Variants in YJEFN3 observed in about 807,000 individuals in gnomAD.
YJEFN3 encodes the protein yjeF N-terminal domain-containing protein 3.
A neutral mutation model predicts 31.5 loss-of-function variants in YJEFN3; 29 were observed. The observed-to-expected ratio is 0.92, with a 90% CI of 0.69 to 1.26. The LOEUF (loss-of-function observed/expected upper bound fraction) is 1.26. YJEFN3 is among the 50% of genes most tolerant of loss of function. The probability of loss-of-function intolerance (pLI) is 0.00; values close to 1 mark genes in which losing one functional copy is unlikely to be tolerated. For synonymous variants in YJEFN3, 227 were observed against 196.1 expected (o/e 1.16, Z -1.32); for missense variants, 442 against 425.4 (o/e 1.04, Z -0.34).
Position 19,528,966 on chromosome 19 carries a change from G to T in YJEFN3, c.34G>T (p.Ala12Ser). 6.5e-7 allele frequency: 1 copy of T among 1,550,274 alleles called. No homozygotes were observed. Among genetic ancestry groups the T allele is most frequent in the Non-Finnish European group, 8.7e-7 (1 of 1,146,786 alleles). The part of the protein sequence containing the change: ...SSAAGPDPSE[A>S]PEERHFLRAL... ...CGCAGCCGGCCCAGACCCGTCGGAGGCGCCCGAAGAGCGGCATTTCCTCAG... is the reference window on the plus strand; with the variant it reads ...CGCAGCCGGCCCAGACCCGTCGGAGTCGCCCGAAGAGCGGCATTTCCTCAG... The change falls in exon 1 of 7, where the codon GCG (alanine) becomes TCG (serine). Residue 12 changes from alanine (A) to serine (S), a missense_variant. By Grantham distance (99) the Ala-to-Ser change is moderately conservative. Transcript: ENST00000514277.
At position 19,534,786 on chromosome 19, in the gene YJEFN3, C is replaced by T; in HGVS notation, c.319-248C>T. The T allele has an allele frequency of 2.6e-6, 1 of 383,034 alleles. No homozygotes were observed. Among genetic ancestry groups the T allele is most frequent in the Non-Finnish European group, 4.7e-6 (1 of 214,862 alleles). 23.7% of individuals were successfully genotyped at this position (383,034 alleles called of 1,614,324 possible). On this transcript the variant is annotated intron_variant, in intron 3 of 6. Transcript: ENST00000514277. The surrounding 1 kb of genome is among the most constrained non-coding windows in gnomAD (Gnocchi z 4.6). ...AACAAACCGCACTCCGGGCGACGGG[C>T]AGTGGCTGGATGCACGTTTTTCCTG...
intron 3 of YJEFN3, chr19:19,533,216 A>G: frequency 1.0e-6 from 1 of 991,146 alleles, no homozygotes; most frequent in Non-Finnish European, 1.2e-6. Context: ...CCACACCTCG[A>G]GGGGCCAGGA....
At chr19:19,537,033 C>A (rs1036048068) in intron 6 of YJEFN3, among the ~76,000 whole-genome samples, 1 of 152,132 alleles carries the variant, frequency 6.6e-6, no homozygotes, top group African/African-American at 2.4e-5. Context: ...AGTGCAGAAG[C>A]TCTGGTCTGA....
chr19:19,537,498 G>A lies in YJEFN3; in HGVS notation c.874G>A (p.Gly292Ser). The A allele has an allele frequency of 6.4e-7, 1 of 1,569,646 alleles. No individual in the cohort carries two copies. The highest frequency in any genetic ancestry group is 8.6e-7 in the Non-Finnish European group (1 of 1,159,974). Residue 292 changes from glycine to serine, a missense_variant, in exon 7 of 7, where the codon GGC becomes AGC. Transcript: ENST00000514277. ...KFALRLPGYTGTDCVAAL is the reference protein window; with the variant it reads ...KFALRLPGYTSTDCVAAL ...CGCTCTGCGCCTGCCGGGATACACG[G>A]GCACCGACTGCGTCGCGGCACTGTG...
In YJEFN3 at chr19:19,537,341, C is replaced by CGAGAGACGCAGA. The variant is rs762364399; in HGVS notation, c.719_720insGAGACGCAGAGA (p.Ser239_Asp240insGluArgArgArg). The CGAGAGACGCAGA allele has an allele frequency of 1.3e-6, 2 of 1,594,924 alleles. No homozygotes were observed. Among genetic ancestry groups the CGAGAGACGCAGA allele is most frequent in the Non-Finnish European group, 1.7e-6 (2 of 1,176,710 alleles). On this transcript the variant is annotated inframe_insertion, in exon 7 of 7. Coordinates refer to ENST00000514277, the MANE Select transcript of YJEFN3 (RefSeq NM_198537.4). ...CAGGCTGGGACGCAGAGACCGGCAG[C>CGAGAGACGCAGA]GATTCGGAGGACGGGCTGCGGCCTG...
chr19:19,529,570 C>G, intron 2 of YJEFN3, 57 bp downstream of exon 2: 1 of 1,580,152 alleles, frequency 6.3e-7, no homozygotes, highest in South Asian at 1.2e-5. Flanking sequence ...ACCTCATCCT[C>G]CTCAGCCTTT....
At position 19,534,670 on chromosome 19, in the gene YJEFN3, C is replaced by G. The variant is rs982705090; in HGVS notation, c.319-364C>G. The G allele has an allele frequency of 1.1e-5, 2 of 177,930 alleles. No individual in the cohort carries two copies. Among genetic ancestry groups the G allele is most frequent in the Non-Finnish European group, 2.4e-5 (2 of 85,092 alleles). The allele number at this position is 177,930 out of a possible 1,614,324, so 11.0% of individuals were successfully genotyped here. ...AAGGTTGGGCTCCCCTACTCCACAGCCTCCAGGAGGGGCTGAGGTCTGGAA... is the reference window on the plus strand; with the variant it reads ...AAGGTTGGGCTCCCCTACTCCACAGGCTCCAGGAGGGGCTGAGGTCTGGAA... On this transcript the variant is annotated intron_variant, in intron 3 of 6. Coordinates refer to ENST00000514277, the MANE Select transcript of YJEFN3 (RefSeq NM_198537.4). The surrounding 1 kb of genome is among the most constrained non-coding windows in gnomAD (Gnocchi z 4.6).
chr19:19,530,154 G>A (rs779007232), intron 2 of YJEFN3, among the ~76,000 whole-genome samples: 13 of 152,274 alleles, frequency 8.5e-5, no homozygotes, highest in South Asian at 2.1e-4. Context: ...CCTCCTGGAA[G>A]CATTTGGCGA....
intron 1 of YJEFN3, 166 bp downstream of exon 1, chr19:19,529,157 G>A: frequency 6.9e-7 from 1 of 1,457,686 alleles, no homozygotes; most frequent in East Asian, 2.5e-5. Context: ...CCACGGTGGG[G>A]AACCGGAGGC....
intron 6 of YJEFN3, chr19:19,536,077 TC>T (rs2061206608): frequency 2.0e-6 from 1 of 488,466 alleles, no homozygotes. Context: ...GTGGCTGGAC[TC>T]CGGGGGATGT....
At position 19,535,582 on chromosome 19, in the gene YJEFN3, C is replaced by CTGGCGCCCT; in HGVS notation, c.597_598insTGGCGCCCT (p.Pro199_Gly200insTrpArgPro). Reference sequence around the variant, plus strand: ...TGGTGGTGGATGCCGTACTGGGCCCCGGCGTGGAGCCGGGCGAGGTCGGGG... The same window carrying CTGGCGCCCT: ...TGGTGGTGGATGCCGTACTGGGCCCCTGGCGCCCTGGCGTGGAGCCGGGCGAGGTCGGGG... On this transcript the variant is annotated inframe_insertion, in exon 6 of 7. Transcript: ENST00000514277. The CTGGCGCCCT allele has an allele frequency of 6.3e-7, 1 of 1,581,092 alleles. No homozygotes were observed. The highest frequency in any genetic ancestry group is 1.2e-5 in the South Asian group (1 of 86,802).
At position 19,534,815 on chromosome 19, in the gene YJEFN3, C is replaced by T. The variant is rs982631559; in HGVS notation, c.319-219C>T. 1.0e-4 allele frequency: 41 copies of T among 406,264 alleles called. No homozygotes were observed. The highest frequency in any genetic ancestry group is 1.5e-4 in the Non-Finnish European group (35 of 230,156). 25.2% of individuals were successfully genotyped at this position (406,264 alleles called of 1,614,324 possible). A position where few individuals can be genotyped will look rare whatever the true frequency, so the allele number is the denominator to read the frequency against. On this transcript the variant is annotated intron_variant, in intron 3 of 6. Transcript: ENST00000514277. The surrounding 1 kb of genome is among the most constrained non-coding windows in gnomAD (Gnocchi z 4.6). ...GGCTGGATGCACGTTTTTCCTGCACCGACCTGGCAGAGCCTGAGACCGGGC... is the reference window on the plus strand; with the variant it reads ...GGCTGGATGCACGTTTTTCCTGCACTGACCTGGCAGAGCCTGAGACCGGGC...
chr19:19,529,238 T>TA (rs1379922115), intron 1 of YJEFN3, 126 bp from the exon 2 acceptor site: 1 of 1,452,696 alleles, frequency 6.9e-7, no homozygotes, highest in Non-Finnish European at 9.1e-7. Flanking sequence ...CTGGAGACAC[T>TA]AAGCTGCGTT....
chr19:19,537,573 C>G lies in YJEFN3; in HGVS notation c.*49C>G. The G allele has an allele frequency of 5.5e-6, 8 of 1,458,844 alleles. No homozygotes were observed. The highest frequency in any genetic ancestry group is 7.3e-6 in the Non-Finnish European group (8 of 1,101,328). 90.4% of individuals were successfully genotyped at this position (1,458,844 alleles called of 1,614,324 possible). Reference sequence around the variant, plus strand: ...GGGACCCTCGCCAATAAACAGCCCTCCCACCACCGCCGCCTCGCCTCCGCC... The same window carrying G: ...GGGACCCTCGCCAATAAACAGCCCTGCCACCACCGCCGCCTCGCCTCCGCC... On this transcript the variant is annotated 3_prime_UTR_variant, in exon 7 of 7. Transcript: ENST00000514277.
chr19:19,532,501 A>T (rs570782331), intron 2 of YJEFN3, 131 bp from the exon 3 acceptor site: 2 of 536,596 alleles, frequency 3.7e-6, no homozygotes, highest in African/African-American at 2.0e-5. Flanking sequence ...AAGGCTGCAG[A>T]CGCTACTCGG....
intron 2 of YJEFN3, among the ~76,000 whole-genome samples, chr19:19,529,967 A>G (rs898688316): frequency 6.6e-6 from 1 of 152,166 alleles, no homozygotes; most frequent in Admixed American, 6.5e-5. Context: ...CGAGTTTTCA[A>G]AGCCCCCCCA....
intron 6 of YJEFN3, among the ~76,000 whole-genome samples, chr19:19,536,571 T>C (rs960106620): frequency 6.6e-6 from 1 of 151,332 alleles, no homozygotes; most frequent in Non-Finnish European, 1.5e-5. Flanking sequence ...CCTAGTTACT[T>C]GGGAGGCTGA....
Position 19,537,309 on chromosome 19 carries a change from C to T in YJEFN3, c.695-10C>T, listed in dbSNP as rs746437609. 3.3e-5 allele frequency: 52 copies of T among 1,580,478 alleles called. No individual in the cohort carries two copies. The highest frequency in any genetic ancestry group is 4.3e-5 in the Non-Finnish European group (50 of 1,169,382). ...CCAGTTCCCAATCCCCCCGGACCCT[C>T]CTCCCTCAGGCTGGGACGCAGAGAC... On this transcript the variant is annotated splice_polypyrimidine_tract_variant and intron_variant, in intron 6 of 6. Coordinates refer to ENST00000514277, the MANE Select transcript of YJEFN3 (RefSeq NM_198537.4).
In YJEFN3 at chr19:19,535,122, G is replaced by A. The variant is rs2061195016; in HGVS notation, c.407G>A (p.Cys136Tyr). ...CAGAACGGGGCAGTGGGGCTGGTCT[G>A]TGCCCGGCACCTGCGGGTGTTTGTA... ...PEQNGAVGLV[C>Y]ARHLRVFEYE... Residue 136 changes from cysteine (C) to tyrosine (Y), a missense_variant, in exon 4 of 7, where the codon TGT (cysteine) becomes TAT (tyrosine). Coordinates refer to ENST00000514277, the MANE Select transcript of YJEFN3 (RefSeq NM_198537.4). The A allele has an allele frequency of 1.2e-6, 2 of 1,609,190 alleles. No homozygotes were observed. The highest frequency in any genetic ancestry group is 1.7e-6 in the Non-Finnish European group (2 of 1,177,180).
Sources: gnomAD v4.1 joint callset for allele counts (sites outside exome capture counted in the v4.1 genomes callset) on GRCh38, gnomAD v4.1.1 for gene constraint, Gnocchi (gnomAD v3.1) non-coding constraint, MANE v1.5 for transcripts, NCBI Gene and HGNC (gene_info 2026-07-23, HGNC 2026-07-21) for gene names.